CADM4: variants seen among roughly 807,000 people sequenced by gnomAD.
The protein encoded by CADM4 is TSLC1-like 2.
Under a neutral mutation model 43.9 loss-of-function variants are expected in CADM4, and 13 were observed. That is an observed-to-expected ratio of 0.30 (90% CI 0.19 to 0.47). The LOEUF (loss-of-function observed/expected upper bound fraction) is 0.47, where lower values mean the gene tolerates loss of function less well. Among genes scored for constraint, CADM4 ranks in the 20% least tolerant of loss-of-function variants. The pLI is 1.00. For synonymous variants in CADM4, 209 were observed against 220.9 expected (o/e 0.95, Z 0.48); for missense variants, 420 against 527.0 (o/e 0.80, Z 1.99).
At chr19:43,637,320 A>C (rs1345249785) in intron 1 of CADM4, among the ~76,000 whole-genome samples, 1 of 152,194 alleles carries the variant, frequency 6.6e-6, no homozygotes, top group Non-Finnish European at 1.5e-5. Flanking sequence ...ACCCCCTAAA[A>C]TGTGGTAGCC....
chr19:43,623,250 T>C lies in CADM4; in HGVS notation c.*80A>G. The stretch of plus-strand genomic sequence containing the variant: ...GCCCACCATCCCAGACTCTGGTAAA[T>C]GTCTTTGCTGGTTCCTTGCAGCTGG... On this transcript the variant is annotated 3_prime_UTR_variant, in exon 9 of 9. Transcript: ENST00000222374. This position sits in a 1 kb window ranked among gnomAD's most constrained non-coding sequence, Gnocchi z 4.4. 3 of 993,888 alleles carry C rather than the reference T, an allele frequency of 3.0e-6. No homozygotes were observed. Among genetic ancestry groups the C allele is most frequent in the Non-Finnish European group, 4.8e-6 (3 of 624,824 alleles). 61.6% of individuals were successfully genotyped at this position (993,888 alleles called of 1,614,324 possible). A position where few individuals can be genotyped will look rare whatever the true frequency, so the allele number is the denominator to read the frequency against.
At chr19:43,640,741 C>A (rs1042266397), upstream of CADM4, among the ~76,000 whole-genome samples, 3 of 152,048 alleles carry the variant, frequency 2.0e-5, no homozygotes, top group Admixed American at 6.6e-5. Flanking sequence ...TCCTCTCTCC[C>A]CATCTTTGAG....
In CADM4 at chr19:43,625,033, C is replaced by CCCG; in HGVS notation, c.928+44_928+45insCGG. On this transcript the variant is annotated intron_variant, in intron 7 of 8. Transcript: ENST00000222374. This position sits in a 1 kb window ranked among gnomAD's most constrained non-coding sequence, Gnocchi z 4.5. The stretch of plus-strand genomic sequence containing the variant: ...TTTGCTCAAGCCCCGCCCCCGCCAC[C>CCCG]TGGCGCCCCGCCCCCGCCCTCAGTC... The CCCG allele has an allele frequency of 2.1e-6, 3 of 1,400,792 alleles. No individual in the cohort carries two copies. The highest frequency in any genetic ancestry group is 1.9e-6 in the Non-Finnish European group (2 of 1,050,772). 86.8% of individuals were successfully genotyped at this position (1,400,792 alleles called of 1,614,324 possible). A position where few individuals can be genotyped will look rare whatever the true frequency, so the allele number is the denominator to read the frequency against.
Position 43,627,416 on chromosome 19 carries a change from TTCTC to T in CADM4, c.212-102_212-99del. 7.2e-7 allele frequency: 1 copy of T among 1,394,496 alleles called. No homozygotes were observed. Among genetic ancestry groups the T allele is most frequent in the Non-Finnish European group, 9.6e-7 (1 of 1,043,706 alleles). The allele number at this position is 1,394,496 out of a possible 1,614,324, so 86.4% of individuals were successfully genotyped here. A position where few individuals can be genotyped will look rare whatever the true frequency, so the allele number is the denominator to read the frequency against. On this transcript the variant is annotated intron_variant, in intron 2 of 8. Coordinates refer to ENST00000222374, the MANE Select transcript of CADM4 (RefSeq NM_145296.2). This position sits in a 1 kb window ranked among gnomAD's most constrained non-coding sequence, Gnocchi z 4.0. Reference sequence around the variant, plus strand: ...CTTAGAGTCCAGCCCTCTGCCTCTTTTCTCCAGCCATATCTATGAGTCTGAGGTG... The same window carrying T: ...CTTAGAGTCCAGCCCTCTGCCTCTTTCAGCCATATCTATGAGTCTGAGGTG...
Position 43,625,150 on chromosome 19 carries a change from T to G in CADM4, c.856A>C (p.Asn286His). 1 of 1,614,156 alleles carries G rather than the reference T, an allele frequency of 6.2e-7. No individual in the cohort carries two copies. The highest frequency in any genetic ancestry group is 8.5e-7 in the Non-Finnish European group (1 of 1,180,014). Residue 286 changes from asparagine to histidine, a missense_variant, in exon 7 of 9, where the codon AAC (asparagine) becomes CAC (histidine). Transcript: ENST00000222374. This position sits in a 1 kb window ranked among gnomAD's most constrained non-coding sequence, Gnocchi z 4.5. ...LTLPGLVSAD[N>H]GTYTCEASNK... Reference sequence around the variant, plus strand: ...GACGCCTCGCAAGTGTAGGTGCCGTTATCCGCGGATACCAGACCCGGCAGC... The same window carrying G: ...GACGCCTCGCAAGTGTAGGTGCCGTGATCCGCGGATACCAGACCCGGCAGC...
At chr19:43,635,224 C>G (rs1027288661) in intron 1 of CADM4, among the ~76,000 whole-genome samples, 4 of 152,012 alleles carry the variant, frequency 2.6e-5, no homozygotes, top group Non-Finnish European at 5.9e-5. Flanking sequence ...ACCACCACCC[C>G]CTCTGTATCC....
Position 43,626,689 on chromosome 19 carries a change from T to A in CADM4, c.499+95A>T. The stretch of plus-strand genomic sequence containing the variant: ...CAACCACTACATATTGAATGTCCAG[T>A]GTCTGTGAAAACCTGTGGCTCCTCT... On this transcript the variant is annotated intron_variant, in intron 4 of 8. Coordinates refer to ENST00000222374, the MANE Select transcript of CADM4 (RefSeq NM_145296.2). The surrounding 1 kb of genome is among the most constrained non-coding windows in gnomAD (Gnocchi z 5.9). 7.0e-7 allele frequency: 1 copy of A among 1,433,892 alleles called. No homozygotes were observed. The allele number at this position is 1,433,892 out of a possible 1,614,324, so 88.8% of individuals were successfully genotyped here. A position where few individuals can be genotyped will look rare whatever the true frequency, so the allele number is the denominator to read the frequency against.
Position 43,627,002 on chromosome 19 carries a change from C to A in CADM4, c.365-84G>T. 1 of 1,488,816 alleles carries A rather than the reference C, an allele frequency of 6.7e-7. No homozygotes were observed. Among genetic ancestry groups the A allele is most frequent in the Non-Finnish European group, 9.0e-7 (1 of 1,116,166 alleles). The allele number at this position is 1,488,816 out of a possible 1,614,324, so 92.2% of individuals were successfully genotyped here. On this transcript the variant is annotated intron_variant, in intron 3 of 8. Transcript: ENST00000222374. This position sits in a 1 kb window ranked among gnomAD's most constrained non-coding sequence, Gnocchi z 4.0. ...GATCGAGCTGCCTGTTCCCAGCGAC[C>A]ATAGGGAACCAGGGTCCCAGGTGGC...
intron 1 of CADM4, among the ~76,000 whole-genome samples, chr19:43,629,144 A>C (rs144919325): frequency 2.6e-5 from 4 of 152,296 alleles, no homozygotes; most frequent in Non-Finnish European, 4.4e-5. Context: ...TGGAAGAGAA[A>C]CACCTCTTGC....
At chr19:43,637,422 G>A (rs972103318) in intron 1 of CADM4, among the ~76,000 whole-genome samples, 9 of 152,078 alleles carry the variant, frequency 5.9e-5, no homozygotes, top group African/African-American at 1.9e-4. Context: ...TTTACAGAAC[G>A]GGAAAGTAAG....
Position 43,627,579 on chromosome 19 carries a change from C to T in CADM4, c.211+65G>A. 5 of 1,549,596 alleles carry T rather than the reference C, an allele frequency of 3.2e-6. No homozygotes were observed. Among genetic ancestry groups the T allele is most frequent in the Non-Finnish European group, 4.4e-6 (5 of 1,134,464 alleles). On this transcript the variant is annotated intron_variant, in intron 2 of 8. Coordinates refer to ENST00000222374, the MANE Select transcript of CADM4 (RefSeq NM_145296.2). This position sits in a 1 kb window ranked among gnomAD's most constrained non-coding sequence, Gnocchi z 4.0. ...CTCTCAGGTGTGTCCTCTTTCAGGA[C>T]ATGGGAGCCTGGGCCCCAGCCCTCT...
At chr19:43,629,918 A>G (rs548489176) in intron 1 of CADM4, among the ~76,000 whole-genome samples, 2 of 151,078 alleles carry the variant, frequency 1.3e-5, no homozygotes, top group South Asian at 4.2e-4. Flanking sequence ...CGCCTGGCCA[A>G]TTATTATTAT....
chr19:43,632,676 T>G (rs540552340), intron 1 of CADM4, among the ~76,000 whole-genome samples: 1 of 152,230 alleles, frequency 6.6e-6, no homozygotes, highest in Non-Finnish European at 1.5e-5. Context: ...AAGCCCCATC[T>G]TCCCAGGGCT....
rs1279620067 is a variant in CADM4, at chr19:43,626,233, C to T, written c.555G>A (p.Arg185=). ...CGTCGTCCTTACGGTCCACACGAAACCGTACTGTGCTTGCCACGCTCCAGA... is the reference window on the plus strand; with the variant it reads ...CGTCGTCCTTACGGTCCACACGAAATCGTACTGTGCTTGCCACGCTCCAGA... The part of the protein sequence containing the change: ...GKVWSVASTV[R]FRVDRKDDGG... The change falls in exon 5 of 9, where the codon CGG becomes CGA. Residue 185 remains arginine, a synonymous_variant. Transcript: ENST00000222374. The surrounding 1 kb of genome is among the most constrained non-coding windows in gnomAD (Gnocchi z 5.9). 6.2e-7 allele frequency: 1 copy of T among 1,613,502 alleles called. No individual in the cohort carries two copies. Among genetic ancestry groups the T allele is most frequent in the Admixed American group, 1.7e-5 (1 of 60,020 alleles).
rs1825839131 is a variant in CADM4, at chr19:43,627,173, C to G, written c.357G>C (p.Thr119=). The change falls in exon 3 of 9, where the codon ACG becomes ACC. Residue 119 remains threonine, a synonymous_variant. Coordinates refer to ENST00000222374, the MANE Select transcript of CADM4 (RefSeq NM_145296.2). This position sits in a 1 kb window ranked among gnomAD's most constrained non-coding sequence, Gnocchi z 4.0. ...EDTHHQIATL[T]VLVAPENPVV... ...CAAGGGGGAGGGCGTTACCTAGTACCGTGAGCGTGGCAATCTGGTGGTGGG... is the reference window on the plus strand; with the variant it reads ...CAAGGGGGAGGGCGTTACCTAGTACGGTGAGCGTGGCAATCTGGTGGTGGG... The G allele has an allele frequency of 1.3e-6, 2 of 1,596,120 alleles. No homozygotes were observed. Among genetic ancestry groups the G allele is most frequent in the Middle Eastern group, 1.7e-4 (1 of 5,970 alleles).
intron 1 of CADM4, among the ~76,000 whole-genome samples, chr19:43,638,204 T>C (rs1228930372): frequency 2.0e-5 from 3 of 152,308 alleles, no homozygotes; most frequent in East Asian, 3.9e-4. Context: ...TGGCTCTGCC[T>C]CAAACCCTGG....
chr19:43,641,205 G>T (rs1336091697), upstream of CADM4, among the ~76,000 whole-genome samples: 5 of 152,132 alleles, frequency 3.3e-5, no homozygotes, highest in East Asian at 9.6e-4. Flanking sequence ...CTTACCTCAG[G>T]TGATCCATCT....
In CADM4 at chr19:43,627,176, G is replaced by A; in HGVS notation, c.354C>T (p.Leu118=). 2.5e-6 allele frequency: 4 copies of A among 1,599,164 alleles called. No individual in the cohort carries two copies. Among genetic ancestry groups the A allele is most frequent in the Non-Finnish European group, 3.4e-6 (4 of 1,171,222 alleles). Reference sequence around the variant, plus strand: ...GGGGGAGGGCGTTACCTAGTACCGTGAGCGTGGCAATCTGGTGGTGGGTGT... The same window carrying A: ...GGGGGAGGGCGTTACCTAGTACCGTAAGCGTGGCAATCTGGTGGTGGGTGT... The part of the protein sequence containing the change: ...TEDTHHQIAT[L]TVLVAPENPV... Residue 118 remains leucine (L), a synonymous_variant, in exon 3 of 9, where the codon CTC becomes CTT. Coordinates refer to ENST00000222374, the MANE Select transcript of CADM4 (RefSeq NM_145296.2). This position sits in a 1 kb window ranked among gnomAD's most constrained non-coding sequence, Gnocchi z 4.0.
intron 1 of CADM4, among the ~76,000 whole-genome samples, chr19:43,628,007 C>T (rs558396391): frequency 1.9e-4 from 29 of 152,218 alleles, no homozygotes; most frequent in African/African-American, 6.3e-4. Flanking sequence ...AGAATATGCT[C>T]TAATGAGGGC....
Sources: gnomAD v4.1 joint callset for allele counts (sites outside exome capture counted in the v4.1 genomes callset) on GRCh38, gnomAD v4.1.1 for gene constraint, Gnocchi (gnomAD v3.1) non-coding constraint, MANE v1.5 for transcripts, NCBI Gene and HGNC (gene_info 2026-07-23, HGNC 2026-07-21) for gene names.